The following RTN4 variants were observed in gnomAD, a reference collection of about 807,000 sequenced individuals.
The protein encoded by RTN4 is reticulon-4.
In RTN4, 32 loss-of-function variants were observed where a neutral mutation model predicts 90.4. That is an observed-to-expected ratio of 0.35 (90% CI 0.27 to 0.48). The LOEUF is 0.48. RTN4 is among the 20% of genes least tolerant of loss of function. The pLI is 0.99. For synonymous variants in RTN4, 629 were observed against 552.5 expected (o/e 1.14, Z -1.94); for missense variants, 1,706 against 1,430.2 (o/e 1.19, Z -3.11).
upstream of RTN4, among the ~76,000 whole-genome samples, chr2:55,051,812 T>C (rs1668095786): frequency 6.6e-6 from 1 of 152,222 alleles, no homozygotes; most frequent in Non-Finnish European, 1.5e-5. Context: ...ATGTTGAAAT[T>C]GATATTTTGG....
the RTN4 span, among the ~76,000 whole-genome samples, chr2:55,136,888 ACAGAGTGGGG>A: frequency 6.6e-6 from 1 of 152,202 alleles, no homozygotes; most frequent in South Asian, 2.1e-4. Flanking sequence ...TGGGCCAGGT[ACAGAGTGGGG>A]AGCTGTTGTT....
At chr2:55,125,586 T>G in the RTN4 span, among the ~76,000 whole-genome samples, 1 of 152,064 alleles carries the variant, frequency 6.6e-6, no homozygotes, top group African/African-American at 2.4e-5. Context: ...GCCAACGTGG[T>G]GAAACCTTGT....
chr2:55,097,294 T>C (rs1482777390), intron 1 of RTN4, among the ~76,000 whole-genome samples: 2 of 127,484 alleles, frequency 1.6e-5, no homozygotes, highest in East Asian at 5.4e-4. Flanking sequence ...AGAGTGAAAT[T>C]CTGTCTCAAA....
At chr2:55,103,846 C>G (rs1476033104) in intron 1 of RTN4, among the ~76,000 whole-genome samples, 1 of 151,826 alleles carries the variant, frequency 6.6e-6, no homozygotes, top group Non-Finnish European at 1.5e-5. Flanking sequence ...AGGCTCCCAC[C>G]ACCACACCCG....
At chr2:54,988,145 C>G (rs1029712138) in intron 3 of RTN4, among the ~76,000 whole-genome samples, 1 of 152,118 alleles carries the variant, frequency 6.6e-6, no homozygotes, top group African/African-American at 2.4e-5. Context: ...GGCAAAACTC[C>G]GTCTCTACTG....
intron 1 of RTN4, among the ~76,000 whole-genome samples, chr2:55,036,351 C>T (rs1682679885): frequency 1.3e-5 from 2 of 151,926 alleles, no homozygotes; most frequent in Admixed American, 1.3e-4. Context: ...CCTGTAATCC[C>T]AGCACTTTGG....
chr2:55,015,942 A>AT (rs1336755154), intron 3 of RTN4, among the ~76,000 whole-genome samples: 1 of 152,210 alleles, frequency 6.6e-6, no homozygotes, highest in African/African-American at 2.4e-5. Context: ...CTGGTGGCCA[A>AT]TTTTTATACA....
At chr2:55,061,938 C>T (rs1310874486) in intron 2 of RTN4, among the ~76,000 whole-genome samples, 3 of 152,112 alleles carry the variant, frequency 2.0e-5, no homozygotes, top group African/African-American at 7.2e-5. Context: ...GCAAGGCAAA[C>T]ACACAAAAAC....
chr2:55,000,439 C>T (rs939692080), intron 3 of RTN4, among the ~76,000 whole-genome samples: 6 of 152,158 alleles, frequency 3.9e-5, no homozygotes, highest in African/African-American at 1.4e-4. Context: ...TGAACCACCA[C>T]ACCTAAGAAA....
chr2:55,056,245 T>G (rs1361207422), intron 2 of RTN4, among the ~76,000 whole-genome samples: 1 of 152,198 alleles, frequency 6.6e-6, no homozygotes, highest in Non-Finnish European at 1.5e-5. Context: ...GATCACACTA[T>G]CTACGCTCCC....
In RTN4 at chr2:55,027,630, G is replaced by C. The variant is rs538994164; in HGVS notation, c.614-145C>G. 5 of 785,808 alleles carry C rather than the reference G, an allele frequency of 6.4e-6. No individual in the cohort carries two copies. The East Asian group carries it at 1.1e-4, about 17-fold the overall frequency. 48.7% of individuals were successfully genotyped at this position (785,808 alleles called of 1,614,324 possible). On this transcript the variant is annotated intron_variant, in intron 2 of 8. Transcript: ENST00000337526. Reference sequence around the variant, plus strand: ...TAATAGCAATTAATAAGTAACAATAGAGTAGACTTCAATCATTACTGAAAA... The same window carrying C: ...TAATAGCAATTAATAAGTAACAATACAGTAGACTTCAATCATTACTGAAAA...
At chr2:55,029,518 T>C (rs898068667) in intron 1 of RTN4, among the ~76,000 whole-genome samples, 4 of 152,206 alleles carry the variant, frequency 2.6e-5, no homozygotes, top group African/African-American at 9.6e-5. Context: ...CTAATAAATT[T>C]AGACAATTTC....
chr2:54,989,237 C>A (rs1678818013), intron 3 of RTN4, among the ~76,000 whole-genome samples: 1 of 152,208 alleles, frequency 6.6e-6, no homozygotes. Flanking sequence ...GTGTCCAGTA[C>A]ATAGCAGGGA....
chr2:55,067,603 T>C (rs370635230), intron 2 of RTN4, among the ~76,000 whole-genome samples: 22 of 152,062 alleles, frequency 1.4e-4, no homozygotes, highest in African/African-American at 5.3e-4. Context: ...TTTGTAGAGA[T>C]AGGATTTCAC....
chr2:55,065,154 C>T (rs10169546), intron 2 of RTN4, among the ~76,000 whole-genome samples: 4 of 152,182 alleles, frequency 2.6e-5, no homozygotes, highest in Non-Finnish European at 5.9e-5. Context: ...CAGCATTCTA[C>T]GGGAGTTTTT....
chr2:55,133,573 G>A, the RTN4 span, among the ~76,000 whole-genome samples: 1 of 152,148 alleles, frequency 6.6e-6, no homozygotes, highest in East Asian at 1.9e-4. Flanking sequence ...TTCCTCACAA[G>A]GCTGTAAGGT....
chr2:55,014,389 C>T (rs1200392115), intron 3 of RTN4: 1 of 152,106 alleles, frequency 6.6e-6, no homozygotes, highest in Non-Finnish European at 1.5e-5. Context: ...TTCTTAAACA[C>T]CCAAAGCATT....
At chr2:55,060,130 G>GA in intron 2 of RTN4, among the ~76,000 whole-genome samples, 1 of 151,960 alleles carries the variant, frequency 6.6e-6, no homozygotes, top group South Asian at 2.1e-4. Context: ...AGTAAGGGGA[G>GA]AAAAAAATAG....
At chr2:54,989,123 A>C (rs1678809177) in intron 3 of RTN4, among the ~76,000 whole-genome samples, 1 of 152,202 alleles carries the variant, frequency 6.6e-6, no homozygotes, top group African/African-American at 2.4e-5. Flanking sequence ...TCTGTAGGGA[A>C]AACTATGTAT....
Sources: gnomAD v4.1 joint callset for allele counts (sites outside exome capture counted in the v4.1 genomes callset) on GRCh38, gnomAD v4.1.1 for gene constraint, MANE v1.5 for transcripts, NCBI Gene and HGNC (gene_info 2026-07-23, HGNC 2026-07-21) for gene names.